ABCB5: variants seen among roughly 807,000 people sequenced by gnomAD.
The protein encoded by ABCB5 is ATP binding cassette subfamily B member 5, also known as ATP-binding cassette sub-family B member 5.
ABCB5 carries 155 observed loss-of-function variants against 144.2 expected under a neutral mutation model. The ratio of observed to expected loss-of-function variants is 1.08; its 90% CI spans 0.94 to 1.23. The LOEUF is 1.23. Ranked by LOEUF, ABCB5 falls within the 50% of genes most tolerant of loss-of-function variation. The probability of loss-of-function intolerance (pLI) is 0.00; values close to 1 mark genes in which losing one functional copy is unlikely to be tolerated. For synonymous variants in ABCB5, 610 were observed against 528.6 expected (o/e 1.15, Z -2.11); for missense variants, 1,830 against 1,520.8 (o/e 1.20, Z -3.38).
Position 20,739,122 on chromosome 7 carries a change from C to A in ABCB5, c.3007C>A (p.Gln1003Lys), listed in dbSNP as rs202149032. 1.2e-6 allele frequency: 2 copies of A among 1,601,158 alleles called. No homozygotes were observed. The highest frequency in any genetic ancestry group is 1.7e-6 in the Non-Finnish European group (2 of 1,174,034). ...GAAACCAAATATAGACAGCCGCAGT[C>A]AAGAAGGGAAAAAGCCAGTAAGCAC... ...EKKPNIDSRS[Q>K]EGKKPDTCEG... The change falls in exon 24 of 28, where the codon CAA (glutamine) becomes AAA (lysine). Residue 1003 changes from glutamine to lysine, a missense_variant. By Grantham distance (53) the Gln-to-Lys change is moderately conservative. Transcript: ENST00000404938.
chr7:20,717,324 T>C (rs1371240035), intron 20 of ABCB5, among the ~76,000 whole-genome samples: 1 of 152,096 alleles, frequency 6.6e-6, no homozygotes, highest in African/African-American at 2.4e-5. Flanking sequence ...AAGAACAAGA[T>C]GTCCGCACGA....
intron 15 of ABCB5, 141 bp downstream of exon 15, chr7:20,681,807 G>C (rs1386125065): frequency 1.3e-5 from 12 of 951,124 alleles, no homozygotes; most frequent in Non-Finnish European, 1.8e-5. Context: ...TAAAGAAATG[G>C]AGTGTTTCAA....
chr7:20,752,004 G>C (rs547475511), intron 26 of ABCB5, among the ~76,000 whole-genome samples: 1 of 152,268 alleles, frequency 6.6e-6, no homozygotes, highest in East Asian at 1.9e-4. Flanking sequence ...GACACATTTT[G>C]TTATAAGGTT....
chr7:20,708,695 C>T (rs917519181), intron 20 of ABCB5, among the ~76,000 whole-genome samples: 1 of 152,112 alleles, frequency 6.6e-6, no homozygotes, highest in Non-Finnish European at 1.5e-5. Context: ...TCCAATAATG[C>T]ATGATAAATT....
At chr7:20,658,111 G>C (rs576946870) in intron 13 of ABCB5, among the ~76,000 whole-genome samples, 1 of 152,062 alleles carries the variant, frequency 6.6e-6, no homozygotes, top group Admixed American at 6.5e-5. Flanking sequence ...AGGAAATTGT[G>C]GGTAACATAC....
rs931853519 is a variant in ABCB5, at chr7:20,756,319, T to A, written c.*695T>A. The A allele has an allele frequency of 1.3e-5, 2 of 152,454 alleles. No homozygotes were observed. The highest frequency in any genetic ancestry group is 2.9e-5 in the Non-Finnish European group (2 of 68,050). The allele number at this position is 152,454 out of a possible 1,614,324, so 9.4% of individuals were successfully genotyped here. ...TGGCAGTATAAGTCACAGGCCTACC[T>A]GTTTATGAAAACTTACTTACTTAAA... On this transcript the variant is annotated 3_prime_UTR_variant, in exon 28 of 28. Transcript: ENST00000404938.
At chr7:20,666,880 A>G in intron 14 of ABCB5, 1 of 1,333,140 alleles carries the variant, frequency 7.5e-7, no homozygotes, top group Non-Finnish European at 9.7e-7. Context: ...TGGCTAAAAG[A>G]CAGCATCAGC....
chr7:20,749,395 AT>A lies in ABCB5; in HGVS notation c.3430-3942del, dbSNP rs34687757. Among the ~76,000 whole-genome samples the A allele has an allele frequency of 6.2e-3, 511 of 81,914 alleles. 2 individuals are homozygous for A. Among genetic ancestry groups the A allele is most frequent in the African/African-American group, 0.021 (367 of 17,572 alleles). 53.7% of individuals were successfully genotyped at this position (81,914 alleles called of 152,430 possible). A position where few individuals can be genotyped will look rare whatever the true frequency, so the allele number is the denominator to read the frequency against. On this transcript the variant is annotated intron_variant, in intron 26 of 27. Transcript: ENST00000404938. ...GGTGCCTGCCACCTATGCCTGCCTAATTTTTTTTTTTTTTTTTTTTTTTGCA... is the reference window on the plus strand; with the variant it reads ...GGTGCCTGCCACCTATGCCTGCCTAATTTTTTTTTTTTTTTTTTTTTTGCA...
chr7:20,626,647 A>G (rs762691730), intron 3 of ABCB5, 36 bp downstream of exon 3: 11 of 1,553,544 alleles, frequency 7.1e-6, no homozygotes, highest in Non-Finnish European at 8.8e-7. Flanking sequence ...ATGCATTAGA[A>G]GATTTTAGAG....
intron 16 of ABCB5, among the ~76,000 whole-genome samples, chr7:20,686,544 C>G (rs934173975): frequency 6.6e-6 from 1 of 152,160 alleles, no homozygotes; most frequent in African/African-American, 2.4e-5. Flanking sequence ...ACACACCCTT[C>G]CATCTTAATC....
At position 20,651,647 on chromosome 7, in the gene ABCB5, T is replaced by C. The variant is rs73278647; in HGVS notation, c.1536+24T>C. 3,966 of 1,611,256 alleles carry C rather than the reference T, an allele frequency of 2.5e-3. 73 individuals are homozygous for C. The African/African-American group carries it at 0.043, about 18-fold the overall frequency. The stretch of plus-strand genomic sequence containing the variant: ...ATGTGAGTACACTGTGCAGCCTGTG[T>C]CCTTAGCTTATGGTGGCAGCGCTGC... On this transcript the variant is annotated intron_variant, in intron 13 of 27. Coordinates refer to ENST00000404938, the MANE Select transcript of ABCB5 (RefSeq NM_001163941.2).
intron 14 of ABCB5, among the ~76,000 whole-genome samples, chr7:20,669,905 T>G (rs1043732598): frequency 6.6e-6 from 1 of 152,130 alleles, no homozygotes; most frequent in Non-Finnish European, 1.5e-5. Flanking sequence ...TTTAAAGGGC[T>G]GTAGGCAAGT....
chr7:20,666,755 C>T, intron 14 of ABCB5: 1 of 1,597,184 alleles, frequency 6.3e-7, no homozygotes, highest in East Asian at 2.2e-5. Flanking sequence ...ATTGTATTTT[C>T]TAGAAAAAAT....
At chr7:20,697,771 A>G (rs1191312671) in intron 16 of ABCB5, among the ~76,000 whole-genome samples, 1 of 152,238 alleles carries the variant, frequency 6.6e-6, no homozygotes, top group Non-Finnish European at 1.5e-5. Flanking sequence ...TTGCAAATGT[A>G]CTGAATAAAG....
chr7:20,617,321 G>A (rs116342675), intron 1 of ABCB5, among the ~76,000 whole-genome samples: 4 of 152,092 alleles, frequency 2.6e-5, no homozygotes, highest in African/African-American at 9.7e-5. Context: ...TTATCATTCA[G>A]TACATGTGGG....
Position 20,699,895 on chromosome 7 carries a change from T to A in ABCB5, c.2225T>A (p.Leu742Ter), listed in dbSNP as rs1454344853. ...ATTTATTCCATGATATTCGTCATTT[T>A]GGGTGTTATTTGCTTTGTCAGTTAT... ...AEIYSMIFVI[L>*]GVICFVSYFM... The change falls in exon 18 of 28, where the codon TTG (leucine) becomes TAG (stop). Residue 742 changes from leucine (L) to a stop codon, truncating the protein, a stop_gained. Transcript: ENST00000404938. LOFTEE classifies it high-confidence loss of function. 6.2e-7 allele frequency: 1 copy of A among 1,612,876 alleles called. No individual in the cohort carries two copies. The highest frequency in any genetic ancestry group is 8.5e-7 in the Non-Finnish European group (1 of 1,179,434).
intron 20 of ABCB5, among the ~76,000 whole-genome samples, chr7:20,707,059 T>C (rs1386626818): frequency 5.3e-5 from 8 of 152,210 alleles, no homozygotes; most frequent in Non-Finnish European, 1.2e-4. Flanking sequence ...ACAAGGACAC[T>C]GTAGCATAAA....
intron 24 of ABCB5, among the ~76,000 whole-genome samples, chr7:20,742,131 C>T (rs762983411): frequency 1.3e-5 from 2 of 152,014 alleles, no homozygotes; most frequent in South Asian, 2.1e-4. Flanking sequence ...CCCAGCACTT[C>T]GGGAGGCCAA....
intron 19 of ABCB5, among the ~76,000 whole-genome samples, chr7:20,702,828 A>ATTTTT (rs5882755): frequency 3.5e-5 from 4 of 114,116 alleles, no homozygotes; most frequent in Non-Finnish European, 5.3e-5. Context: ...CGCCTGGCTA[A>ATTTTT]TTTTTTTTTT....
Sources: allele counts gnomAD v4.1 joint callset (sites outside exome capture counted in the v4.1 genomes callset), GRCh38; gene constraint gnomAD v4.1.1; transcripts MANE v1.5; gene names NCBI Gene and HGNC (gene_info 2026-07-23, HGNC 2026-07-21).